Variants in CNTN4 observed in about 807,000 individuals in gnomAD.
CNTN4 encodes the protein contactin-4.
A neutral mutation model predicts 122.5 loss-of-function variants in CNTN4; 77 were observed. That is an observed-to-expected ratio of 0.63 (90% CI 0.52 to 0.76). CNTN4 has a LOEUF of 0.76. CNTN4 is among the 30% of genes least tolerant of loss of function. CNTN4 has a pLI of 0.00. For missense variants in CNTN4, 1,256 were observed against 1,259.1 expected (o/e 1.00, Z 0.04); for synonymous variants, 512 against 447.0 (o/e 1.15, Z -1.83).
intron 2 of CNTN4, among the ~76,000 whole-genome samples, chr3:2,262,629 G>GT (rs11391764): frequency 0.73 from 105,831 of 144,192 alleles, 38,837 homozygotes; most frequent in South Asian, 0.78. Flanking sequence ...GCTGTTCCGT[G>GT]TTTTTTTTTT....
intron 24 of CNTN4, 40 bp from the exon 25 acceptor site, chr3:3,056,080 G>C (rs753800732): frequency 6.6e-7 from 1 of 1,526,414 alleles, no homozygotes; most frequent in South Asian, 1.1e-5. Flanking sequence ...TTTGAAGCCG[G>C]GATGGGGCTG....
At chr3:2,809,778 C>T (rs1270298551) in intron 6 of CNTN4, among the ~76,000 whole-genome samples, 1 of 152,170 alleles carries the variant, frequency 6.6e-6, no homozygotes, top group Non-Finnish European at 1.5e-5. Flanking sequence ...GTAGTAACCT[C>T]ATGAGTTAGA....
At position 2,411,564 on chromosome 3, in the gene CNTN4, T is replaced by A. The variant is rs562338391; in HGVS notation, c.-89+72331T>A. Among the ~76,000 whole-genome samples, 76 of 152,264 alleles carry A rather than the reference T, an allele frequency of 5.0e-4. 1 individual carries two copies. In the South Asian group the frequency reaches 7.9e-3, roughly 16 times the overall value. On this transcript the variant is annotated intron_variant, in intron 3 of 24. Transcript: ENST00000418658. ...TTTGGAATGTCTTTTCATAAGGAAGTTTGATTCTTTAAACTTGGAATTCCA... is the reference window on the plus strand; with the variant it reads ...TTTGGAATGTCTTTTCATAAGGAAGATTGATTCTTTAAACTTGGAATTCCA...
chr3:2,132,695 C>G (rs750863709), intron 2 of CNTN4, among the ~76,000 whole-genome samples: 7 of 152,084 alleles, frequency 4.6e-5, no homozygotes, highest in Non-Finnish European at 8.8e-5. Context: ...TTAAAACATT[C>G]TGCCATTTTC....
intron 2 of CNTN4, among the ~76,000 whole-genome samples, chr3:2,189,207 C>A (rs558406069): frequency 3.9e-4 from 59 of 152,240 alleles, no homozygotes; most frequent in African/African-American, 1.2e-3. Flanking sequence ...TTGCCAGCTT[C>A]CACATGCAGG....
At chr3:2,406,696 A>G (rs773888726) in intron 3 of CNTN4, among the ~76,000 whole-genome samples, 1 of 152,164 alleles carries the variant, frequency 6.6e-6, no homozygotes, top group Non-Finnish European at 1.5e-5. Context: ...CACATTGTCC[A>G]TCTGTAAAGT....
chr3:2,209,254 A>G (rs1159872195), intron 2 of CNTN4, among the ~76,000 whole-genome samples: 1 of 152,168 alleles, frequency 6.6e-6, no homozygotes, highest in Non-Finnish European at 1.5e-5. Flanking sequence ...GAAGGTGAGG[A>G]TAGCACAGAT....
chr3:2,965,948 A>G (rs1393026342), intron 13 of CNTN4, among the ~76,000 whole-genome samples: 1 of 152,234 alleles, frequency 6.6e-6, no homozygotes, highest in Non-Finnish European at 1.5e-5. Context: ...CTCTATAGAT[A>G]CATATATCAT....
intron 3 of CNTN4, among the ~76,000 whole-genome samples, chr3:2,496,252 G>A (rs989146691): frequency 1.3e-5 from 2 of 152,020 alleles, no homozygotes; most frequent in African/African-American, 2.4e-5. Flanking sequence ...GCTTACAGTC[G>A]ATATTGATTT....
intron 3 of CNTN4, among the ~76,000 whole-genome samples, chr3:2,530,309 CTTTTTTTTTT>C (rs1206246281): frequency 7.4e-6 from 1 of 134,714 alleles, no homozygotes; most frequent in Non-Finnish European, 1.6e-5. Context: ...TTCTCCTCTT[CTTTTTTTTTT>C]TTTTTTTTGT....
chr3:2,778,550 T>C (rs2091441020), intron 6 of CNTN4, among the ~76,000 whole-genome samples: 5 of 152,160 alleles, frequency 3.3e-5, no homozygotes, highest in Admixed American at 2.0e-4. Context: ...CTCATATTCA[T>C]TATAAAAATT....
At chr3:2,999,156 G>A (rs924683644) in intron 14 of CNTN4, 3 of 152,076 alleles carry the variant, frequency 2.0e-5, no homozygotes, top group African/African-American at 7.2e-5. Context: ...AGATCATACT[G>A]TATACACTGT....
intron 3 of CNTN4, among the ~76,000 whole-genome samples, chr3:2,412,548 C>T (rs569478624): frequency 1.4e-4 from 21 of 152,280 alleles, no homozygotes; most frequent in Admixed American, 1.2e-3. Context: ...CCACCACACC[C>T]GGCCCAGTCA....
chr3:2,933,028 T>C (rs2094537257), intron 13 of CNTN4, among the ~76,000 whole-genome samples: 1 of 152,042 alleles, frequency 6.6e-6, no homozygotes, highest in Admixed American at 6.5e-5. Context: ...TTCACCGTGT[T>C]AGCCAGGATG....
At chr3:2,740,436 G>T (rs907704164) in intron 5 of CNTN4, among the ~76,000 whole-genome samples, 1 of 152,198 alleles carries the variant, frequency 6.6e-6, no homozygotes, top group East Asian at 1.9e-4. Context: ...TCCTTCAAAT[G>T]ATAACATACA....
intron 2 of CNTN4, among the ~76,000 whole-genome samples, chr3:2,253,668 G>A (rs1488441851): frequency 6.6e-6 from 1 of 150,916 alleles, no homozygotes; most frequent in Non-Finnish European, 1.5e-5. Flanking sequence ...TTGAGACAGA[G>A]TCGCACTCTG....
chr3:3,006,850 T>C (rs1443030019), intron 14 of CNTN4, among the ~76,000 whole-genome samples: 2 of 152,222 alleles, frequency 1.3e-5, no homozygotes, highest in Non-Finnish European at 2.9e-5. Context: ...ATTAGAATTT[T>C]CTCTGTCAAA....
At chr3:2,576,115 G>A (rs569996213) in intron 4 of CNTN4, among the ~76,000 whole-genome samples, 31 of 152,140 alleles carry the variant, frequency 2.0e-4, no homozygotes, top group African/African-American at 3.6e-4. Context: ...AATTACAGGC[G>A]TGAGCCACCA....
In CNTN4 at chr3:2,571,667, T is replaced by C. The variant is rs1001626241; in HGVS notation, c.55+109T>C. 13 of 801,718 alleles carry C rather than the reference T, an allele frequency of 1.6e-5. No homozygotes were observed. The African/African-American group carries it at 1.9e-4, about 11-fold the overall frequency. 49.7% of individuals were successfully genotyped at this position (801,718 alleles called of 1,614,324 possible). A position where few individuals can be genotyped will look rare whatever the true frequency, so the allele number is the denominator to read the frequency against. On this transcript the variant is annotated intron_variant, in intron 4 of 24. Transcript: ENST00000418658. ...GCAATGATAAAATCGCAAGAGTATA[T>C]GCTGCTATGACTAGCATTTGCTGAC... is the stretch of plus-strand genomic sequence containing the variant.
Sources: gnomAD v4.1 joint callset for allele counts (sites outside exome capture counted in the v4.1 genomes callset) on GRCh38, gnomAD v4.1.1 for gene constraint, MANE v1.5 for transcripts, NCBI Gene and HGNC (gene_info 2026-07-23, HGNC 2026-07-21) for gene names.